The following NAT14 variants were observed in gnomAD, a reference collection of about 807,000 sequenced individuals.
The protein encoded by NAT14 is probable N-acetyltransferase 14.
In NAT14, 14 loss-of-function variants were observed where a neutral mutation model predicts 12.1. The ratio of observed to expected loss-of-function variants is 1.16; its 90% confidence interval spans 0.76 to 1.81. The LOEUF (loss-of-function observed/expected upper bound fraction) is 1.81. Ranked by LOEUF, NAT14 falls within the 40% of genes most tolerant of loss-of-function variation. The pLI is 0.00. For missense variants in NAT14, 341 were observed against 304.3 expected, an observed-to-expected ratio of 1.12 and a Z score of -0.90; for synonymous variants, 156 against 145.1, an observed-to-expected ratio of 1.08 and a Z score of -0.54.
chr19:55,486,236 G>A (rs1447659220), intron 2 of NAT14, 172 bp from the exon 3 acceptor site: 3 of 853,076 alleles, frequency 3.5e-6, no homozygotes, highest in South Asian at 2.7e-5. Flanking sequence ...TCCATCATTC[G>A]CTCTCGTTCA....
Position 55,486,661 on chromosome 19 carries a change from G to T in NAT14, c.326G>T (p.Gly109Val). 1 of 1,482,642 alleles carries T rather than the reference G, an allele frequency of 6.7e-7. No individual in the cohort carries two copies. Among genetic ancestry groups the T allele is most frequent in the East Asian group, 2.6e-5 (1 of 38,106 alleles). The allele number at this position is 1,482,642 out of a possible 1,614,324, so 91.8% of individuals were successfully genotyped here. A position where few individuals can be genotyped will look rare whatever the true frequency, so the allele number is the denominator to read the frequency against. The change falls in exon 3 of 3, where the codon GGG (glycine) becomes GTG (valine). Residue 109 changes from glycine to valine, a missense_variant. Gly to Val is a moderately radical substitution (Grantham distance 109). Coordinates refer to ENST00000205194, the MANE Select transcript of NAT14 (RefSeq NM_020378.4). ...GTGCGGGGCTCCGGTGACGTGTGTGGGGTCCTGGCTCTGGCCCCTGGCACA... is the reference window on the plus strand; with the variant it reads ...GTGCGGGGCTCCGGTGACGTGTGTGTGGTCCTGGCTCTGGCCCCTGGCACA... ...VAVRGSGDVC[G>V]VLALAPGTNA... is the part of the protein sequence containing the mutation.
intron 1 of NAT14, 135 bp from the exon 2 acceptor site, chr19:55,485,526 C>T (rs1232968938): frequency 5.2e-6 from 3 of 581,522 alleles, no homozygotes; most frequent in Non-Finnish European, 9.2e-6. Context: ...CCTGTCCTGC[C>T]GAGATCCTCG....
rs1008252125 is a variant in NAT14, at chr19:55,486,545, G to A, written c.210G>A (p.Val70=). The A allele has an allele frequency of 4.4e-6, 7 of 1,588,582 alleles. No individual in the cohort carries two copies. The highest frequency in any genetic ancestry group is 1.7e-4 in the Middle Eastern group (1 of 6,000). ...TCGCCCTGGCCCTCCTCCTGCCGGT[G>A]TTCCTGGCTGTGGCCGCCGTGAAGC... ...ASFALALLLP[V]FLAVAAVKLG... Residue 70 remains valine (V), a synonymous_variant, in exon 3 of 3, where the codon GTG becomes GTA. Transcript: ENST00000205194.
rs1479689358 is a variant in NAT14, at chr19:55,486,856, G to A, written c.521G>A (p.Trp174Ter). 6.5e-7 allele frequency: 1 copy of A among 1,527,688 alleles called. No individual in the cohort carries two copies. Among genetic ancestry groups the A allele is most frequent in the South Asian group, 1.2e-5 (1 of 83,372 alleles). The allele number at this position is 1,527,688 out of a possible 1,614,324, so 94.6% of individuals were successfully genotyped here. Residue 174 changes from tryptophan (W) to a stop codon, truncating the protein, a stop_gained, in exon 3 of 3, where the codon TGG (tryptophan) becomes TAG (stop). Coordinates refer to ENST00000205194, the MANE Select transcript of NAT14 (RefSeq NM_020378.4). LOFTEE classifies it high-confidence loss of function. ...GTGGTCCCCGTGGCTGTGGCCGCCT[G>A]GGGGGTGGGAGGGATGCTGGAGGGC... ...RLVVPVAVAAWGVGGMLEGCG... is the reference protein window; with the variant it reads ...RLVVPVAVAA
Position 55,485,252 on chromosome 19 carries a change from G to C in NAT14, c.-55G>C, listed in dbSNP as rs1986883380. 6.4e-6 allele frequency: 1 copy of C among 157,350 alleles called. No homozygotes were observed. Among genetic ancestry groups the C allele is most frequent in the Non-Finnish European group, 1.4e-5 (1 of 71,610 alleles). The allele number at this position is 157,350 out of a possible 1,614,324, so 9.7% of individuals were successfully genotyped here. ...CCTTGTCGAAGGACCAAAGGCGACCGGTGCAGGTGCTTGCTGGTCCTTGTT... is the reference window on the plus strand; with the variant it reads ...CCTTGTCGAAGGACCAAAGGCGACCCGTGCAGGTGCTTGCTGGTCCTTGTT... On this transcript the variant is annotated 5_prime_UTR_variant, in exon 1 of 3. Transcript: ENST00000205194.
chr19:55,485,242 A>G lies in NAT14; in HGVS notation c.-65A>G, dbSNP rs1221877957. 2.6e-5 allele frequency: 4 copies of G among 155,548 alleles called. No individual in the cohort carries two copies. Among genetic ancestry groups the G allele is most frequent in the South Asian group, 2.0e-4 (1 of 4,914 alleles). The allele number at this position is 155,548 out of a possible 1,614,324, so 9.6% of individuals were successfully genotyped here. On this transcript the variant is annotated 5_prime_UTR_variant, in exon 1 of 3. Coordinates refer to ENST00000205194, the MANE Select transcript of NAT14 (RefSeq NM_020378.4). ...GCTCCCGAAACCTTGTCGAAGGACC[A>G]AAGGCGACCGGTGCAGGTGCTTGCT... is the stretch of plus-strand genomic sequence containing the variant.
rs966873853 is a variant in NAT14 at position 55,485,696 on chromosome 19, C to G, written c.-13C>G. On this transcript the variant is annotated 5_prime_UTR_variant, in exon 2 of 3. Transcript: ENST00000205194. ...CCAGCTCCCTTCTGGGGGGCCGGGG[C>G]CTGGGGGTTGCCATGGCCCCCAGCC... is the stretch of plus-strand genomic sequence containing the variant. 6.5e-7 allele frequency: 1 copy of G among 1,548,394 alleles called. No individual in the cohort carries two copies. The highest frequency in any genetic ancestry group is 1.4e-5 in the African/African-American group (1 of 72,948).
chr19:55,486,654 G>T lies in NAT14; in HGVS notation c.319G>T (p.Val107Leu). The T allele has an allele frequency of 6.7e-7, 1 of 1,490,198 alleles. No homozygotes were observed. Among genetic ancestry groups the T allele is most frequent in the Non-Finnish European group, 8.8e-7 (1 of 1,131,152 alleles). The allele number at this position is 1,490,198 out of a possible 1,614,324, so 92.3% of individuals were successfully genotyped here. The part of the protein sequence containing the change: ...PWVAVRGSGD[V>L]CGVLALAPGT... ...GGTGGCCGTGCGGGGCTCCGGTGAC[G>T]TGTGTGGGGTCCTGGCTCTGGCCCC... is the stretch of plus-strand genomic sequence containing the variant. The change falls in exon 3 of 3, where the codon GTG becomes TTG. Residue 107 changes from valine to leucine, a missense_variant. Coordinates refer to ENST00000205194, the MANE Select transcript of NAT14 (RefSeq NM_020378.4).
Position 55,485,724 on chromosome 19 carries a change from C to T in NAT14, c.16C>T (p.Leu6=), listed in dbSNP as rs1276195668. The change falls in exon 2 of 3, where the codon CTG becomes TTG. Residue 6 remains leucine, a synonymous_variant. Coordinates refer to ENST00000205194, the MANE Select transcript of NAT14 (RefSeq NM_020378.4). MAPSH[L]SVREMREDEK... ...GGGGGTTGCCATGGCCCCCAGCCAC[C>T]TGTCAGTGCGGGAGATGAGGGAAGA... 2 of 1,551,048 alleles carry T rather than the reference C, an allele frequency of 1.3e-6. No individual in the cohort carries two copies.
intron 2 of NAT14, 169 bp from the exon 3 acceptor site, chr19:55,486,239 C>G: frequency 1.1e-6 from 1 of 896,154 alleles, no homozygotes; most frequent in Non-Finnish European, 1.6e-6. Context: ...ATCATTCGCT[C>G]TCGTTCATTC....
At chr19:55,486,332 G>A in intron 2 of NAT14, 76 bp from the exon 3 acceptor site, 25 of 1,386,230 alleles carry the variant, frequency 1.8e-5, no homozygotes, top group Non-Finnish European at 2.1e-5. Flanking sequence ...ACCCCGCCCC[G>A]GGCAGGGTCT....
At position 55,485,736 on chromosome 19, in the gene NAT14, G is replaced by A. The variant is rs562472866; in HGVS notation, c.28G>A (p.Glu10Lys). The stretch of plus-strand genomic sequence containing the variant: ...GGCCCCCAGCCACCTGTCAGTGCGG[G>A]AGATGAGGGAAGATGAGAAGCCCCT... MAPSHLSVREMREDEKPLVL... is the reference protein window; with the variant it reads MAPSHLSVRKMREDEKPLVL... Residue 10 changes from glutamate (E) to lysine (K), a missense_variant, in exon 2 of 3, where the codon GAG becomes AAG. Glu to Lys is a moderately conservative substitution (Grantham distance 56). Transcript: ENST00000205194. 7.1e-6 allele frequency: 11 copies of A among 1,551,144 alleles called. No individual in the cohort carries two copies. The East Asian group carries it at 2.4e-4, about 34-fold the overall frequency.
intron 2 of NAT14, 122 bp downstream of exon 2, chr19:55,485,902 C>T (rs1046361913): frequency 1.0e-5 from 8 of 798,954 alleles, no homozygotes; most frequent in Non-Finnish European, 1.5e-5. Flanking sequence ...ATCTTTTCCT[C>T]CTGAGCCTCA....
rs955052340 is a variant in NAT14 at position 55,486,902 on chromosome 19, G to A, written c.567G>A (p.Gly189=). The A allele has an allele frequency of 1.9e-6, 3 of 1,557,702 alleles. No homozygotes were observed. The highest frequency in any genetic ancestry group is 2.6e-6 in the Non-Finnish European group (3 of 1,159,402). Residue 189 remains glycine (G), a synonymous_variant, in exon 3 of 3, where the codon GGG becomes GGA. Transcript: ENST00000205194. ...AGGGCTGTGGCTACCAGGCCGAGGG[G>A]GGCTGGGGCTGCCTGGGCTACACGC... ...MLEGCGYQAE[G]GWGCLGYTLV...
At position 55,486,806 on chromosome 19, in the gene NAT14, C is replaced by T. The variant is rs1026343667; in HGVS notation, c.471C>T (p.Gly157=). The part of the protein sequence containing the change: ...AEARARAWAG[G]MGEPRARLVV... ...CCCGGGCTCGGGCCTGGGCTGGGGG[C>T]ATGGGGGAGCCCCGGGCCCGGCTCG... Residue 157 remains glycine (G), a synonymous_variant, in exon 3 of 3, where the codon GGC becomes GGT. Coordinates refer to ENST00000205194, the MANE Select transcript of NAT14 (RefSeq NM_020378.4). 4 of 1,490,094 alleles carry T rather than the reference C, an allele frequency of 2.7e-6. No homozygotes were observed. Among genetic ancestry groups the T allele is most frequent in the African/African-American group, 2.8e-5 (2 of 70,300 alleles). 92.3% of individuals were successfully genotyped at this position (1,490,094 alleles called of 1,614,324 possible).
Position 55,485,693 on chromosome 19 carries a change from G to A in NAT14, c.-16G>A, listed in dbSNP as rs1599905278. The A allele has an allele frequency of 6.5e-7, 1 of 1,548,534 alleles. No homozygotes were observed. The highest frequency in any genetic ancestry group is 1.2e-5 in the South Asian group (1 of 84,008). ...ACGCCAGCTCCCTTCTGGGGGGCCG[G>A]GGCCTGGGGGTTGCCATGGCCCCCA... is the stretch of plus-strand genomic sequence containing the variant. On this transcript the variant is annotated 5_prime_UTR_variant, in exon 2 of 3. Transcript: ENST00000205194.
chr19:55,485,583 T>C (rs192043944), intron 1 of NAT14, 78 bp from the exon 2 acceptor site: 55 of 757,522 alleles, frequency 7.3e-5, no homozygotes, highest in Non-Finnish European at 1.2e-4. Flanking sequence ...GGAAGTGCCG[T>C]TGCTGCTCCC....
chr19:55,487,470 C>G lies in NAT14; in HGVS notation c.*514C>G, dbSNP rs1254507537. 2.5e-6 allele frequency: 1 copy of G among 397,730 alleles called. No homozygotes were observed. The highest frequency in any genetic ancestry group is 1.4e-4 in the South Asian group (1 of 7,280). The allele number at this position is 397,730 out of a possible 1,614,324, so 24.6% of individuals were successfully genotyped here. On this transcript the variant is annotated 3_prime_UTR_variant, in exon 3 of 3. Transcript: ENST00000205194. ...CGCACAGGGCTGCCAGGCCTGGCCC[C>G]TCTCTGGGAAGGTTGAGAGCTGAGA...
At chr19:55,485,535 C>G in intron 1 of NAT14, 126 bp from the exon 2 acceptor site, 2 of 589,114 alleles carry the variant, frequency 3.4e-6, no homozygotes, top group East Asian at 2.8e-5. Context: ...CCGAGATCCT[C>G]GCTTGGGGGC....
Sources: allele counts gnomAD v4.1 joint callset, GRCh38; gene constraint gnomAD v4.1.1; transcripts MANE v1.5; gene names NCBI Gene and HGNC (gene_info 2026-07-23, HGNC 2026-07-21).